Variants in RALGPS1 observed in about 807,000 individuals in gnomAD.
RALGPS1 encodes the protein ras-specific guanine nucleotide-releasing factor RalGPS1.
A neutral mutation model predicts 78.8 loss-of-function variants in RALGPS1; 19 were observed. The ratio of observed to expected loss-of-function variants is 0.24; its 90% CI spans 0.17 to 0.35. The LOEUF (loss-of-function observed/expected upper bound fraction) is 0.35, where lower values mean the gene tolerates loss of function less well. Ranked by LOEUF, RALGPS1 falls within the 10% of genes least tolerant of loss-of-function variation. The pLI is 1.00. For synonymous variants in RALGPS1, 228 were observed against 256.3 expected (o/e 0.89, Z 1.06); for missense variants, 454 against 688.3 (o/e 0.66, Z 3.81).
intron 1 of RALGPS1, among the ~76,000 whole-genome samples, chr9:126,929,284 A>G (rs1421409917): frequency 6.6e-6 from 1 of 152,258 alleles, no homozygotes; most frequent in Non-Finnish European, 1.5e-5. Context: ...GTGGAGAATC[A>G]TAAAAACAGG....
rs75470583 is a variant in RALGPS1 at position 126,977,362 on chromosome 9, G to T, written c.166-333G>T. On this transcript the variant is annotated intron_variant, in intron 3 of 18. Transcript: ENST00000259351. Reference sequence around the variant, plus strand: ...TTAAAAAATTACAAAAGTAGTTCATGCTTGAAATACAAATTCAAATAGTAT... The same window carrying T: ...TTAAAAAATTACAAAAGTAGTTCATTCTTGAAATACAAATTCAAATAGTAT... Among the ~76,000 whole-genome samples, 1,233 of 152,242 alleles carry T rather than the reference G, an allele frequency of 8.1e-3. 16 individuals carry two copies. Among genetic ancestry groups the T allele is most frequent in the African/African-American group, 0.029 (1,197 of 41,542 alleles).
At chr9:127,052,706 A>G (rs1358866367) in intron 6 of RALGPS1, 141 bp from the exon 7 acceptor site, 15 of 628,230 alleles carry the variant, frequency 2.4e-5, no homozygotes, top group Non-Finnish European at 4.2e-5. Flanking sequence ...GTTTCTATGA[A>G]ATCCTTAGAA....
Position 127,183,985 on chromosome 9 carries a change from C to T in RALGPS1, c.910+9203C>T. 1.9e-6 allele frequency: 3 copies of T among 1,550,370 alleles called. No individual in the cohort carries two copies. Among genetic ancestry groups the T allele is most frequent in the Non-Finnish European group, 2.6e-6 (3 of 1,146,982 alleles). ...GCTCCTCACGAGTACCAGCGGCTCC[C>T]CCAGCATCTGCTGCTCCGCGCTCCC... On this transcript the variant is annotated intron_variant, in intron 11 of 18. Transcript: ENST00000259351. This position sits in a 1 kb window ranked among gnomAD's most constrained non-coding sequence, Gnocchi z 4.0.
At chr9:127,084,542 CT>C (rs1311126531) in intron 8 of RALGPS1, among the ~76,000 whole-genome samples, 4 of 152,186 alleles carry the variant, frequency 2.6e-5, no homozygotes, top group African/African-American at 9.6e-5. Flanking sequence ...CTTTGTGCCC[CT>C]GGGCCTGAGT....
At chr9:127,023,637 G>C (rs1201343385) in intron 4 of RALGPS1, among the ~76,000 whole-genome samples, 2 of 152,136 alleles carry the variant, frequency 1.3e-5, no homozygotes, top group Non-Finnish European at 2.9e-5. Context: ...GCTACCAGGG[G>C]ACCTGCATGC....
intron 8 of RALGPS1, among the ~76,000 whole-genome samples, chr9:127,081,605 A>G (rs777116379): frequency 5.9e-5 from 9 of 152,202 alleles, no homozygotes; most frequent in Non-Finnish European, 1.2e-4. Flanking sequence ...AGGGAATTCT[A>G]ATTCCACTCC....
chr9:127,217,061 A>G, intron 18 of RALGPS1: 1 of 1,427,506 alleles, frequency 7.0e-7, no homozygotes, highest in East Asian at 2.7e-5. Flanking sequence ...AGTAAAACCC[A>G]TTGTCCCTCT....
chr9:126,985,345 T>A (rs953871952), intron 4 of RALGPS1, among the ~76,000 whole-genome samples: 2 of 152,230 alleles, frequency 1.3e-5, no homozygotes, highest in African/African-American at 4.8e-5. Context: ...CTGAGCTGCA[T>A]CATCTACAGA....
intron 4 of RALGPS1, among the ~76,000 whole-genome samples, chr9:127,017,211 C>T (rs115732065): frequency 2.2e-3 from 339 of 152,242 alleles, no homozygotes; most frequent in African/African-American, 7.9e-3. Flanking sequence ...ATATTGTGTA[C>T]TTACACAAAC....
At chr9:127,102,155 A>G (rs2053796591) in intron 8 of RALGPS1, among the ~76,000 whole-genome samples, 1 of 152,212 alleles carries the variant, frequency 6.6e-6, no homozygotes, top group Non-Finnish European at 1.5e-5. Context: ...CACTGGAAGT[A>G]TATACTTCAT....
Position 126,914,806 on chromosome 9 carries a change from C to G in RALGPS1, c.-235C>G, listed in dbSNP as rs2033930476. The G allele has an allele frequency of 6.6e-6, 1 of 152,246 alleles. No individual in the cohort carries two copies. The highest frequency in any genetic ancestry group is 1.5e-5 in the Non-Finnish European group (1 of 68,082). 9.4% of individuals were successfully genotyped at this position (152,246 alleles called of 1,614,324 possible). ...CAGGCCCTGGAGCGGACGGTTCCTA[C>G]TGCGGCTGGGCACCGGCTCCGCTCC... is the stretch of plus-strand genomic sequence containing the variant. On this transcript the variant is annotated 5_prime_UTR_variant, in exon 1 of 19. Transcript: ENST00000259351.
intron 10 of RALGPS1, among the ~76,000 whole-genome samples, chr9:127,170,969 A>G (rs904640000): frequency 2.6e-5 from 4 of 151,714 alleles, no homozygotes; most frequent in Admixed American, 6.6e-5. Flanking sequence ...GAGGACCCAC[A>G]CTCCATGGCC....
At chr9:127,209,523 A>G (rs908500334) in intron 14 of RALGPS1, among the ~76,000 whole-genome samples, 7 of 152,090 alleles carry the variant, frequency 4.6e-5, no homozygotes, top group Non-Finnish European at 5.9e-5. Context: ...GGGTCAGCCT[A>G]TTACCACCCT....
chr9:127,031,348 G>A (rs1400081076), intron 4 of RALGPS1, among the ~76,000 whole-genome samples: 3 of 152,232 alleles, frequency 2.0e-5, no homozygotes, highest in Non-Finnish European at 2.9e-5. Flanking sequence ...GAGGAACTGC[G>A]CCAAAGCGGT....
chr9:126,915,662 T>A (rs186491880), intron 1 of RALGPS1, among the ~76,000 whole-genome samples: 1 of 152,036 alleles, frequency 6.6e-6, no homozygotes, highest in East Asian at 2.0e-4. Context: ...GGAGCTCAGC[T>A]GCCCTGGTTA....
chr9:126,963,264 C>T (rs905603392), intron 2 of RALGPS1, among the ~76,000 whole-genome samples: 1 of 152,074 alleles, frequency 6.6e-6, no homozygotes, highest in African/African-American at 2.4e-5. Context: ...GAATGGACTC[C>T]TTTTTGTAAC....
intron 11 of RALGPS1, among the ~76,000 whole-genome samples, chr9:127,192,312 C>A (rs916357949): frequency 1.3e-5 from 2 of 152,204 alleles, no homozygotes; most frequent in East Asian, 3.9e-4. Flanking sequence ...TGGCAGGAGC[C>A]GAGGGTGGGC....
chr9:127,067,320 C>T (rs901674197), intron 7 of RALGPS1, among the ~76,000 whole-genome samples: 1 of 152,218 alleles, frequency 6.6e-6, no homozygotes, highest in Admixed American at 6.5e-5. Context: ...TCTTCAACTT[C>T]TTCAGCACCA....
At chr9:127,176,843 C>T (rs1382891290) in intron 11 of RALGPS1, among the ~76,000 whole-genome samples, 1 of 152,172 alleles carries the variant, frequency 6.6e-6, no homozygotes, top group African/African-American at 2.4e-5. Flanking sequence ...CCAACTCTGC[C>T]TTTCCCTAGT....
Sources: gnomAD v4.1 joint callset for allele counts (sites outside exome capture counted in the v4.1 genomes callset) on GRCh38, gnomAD v4.1.1 for gene constraint, Gnocchi (gnomAD v3.1) non-coding constraint, MANE v1.5 for transcripts, NCBI Gene and HGNC (gene_info 2026-07-23, HGNC 2026-07-21) for gene names.